Variants in ZNF451 observed in about 807,000 individuals in gnomAD.
ZNF451 encodes the protein E3 SUMO-protein ligase ZNF451.
ZNF451 carries 80 observed loss-of-function variants against 107.1 expected under a neutral mutation model. That is an observed-to-expected ratio of 0.75 (90% CI 0.62 to 0.90). ZNF451 has a LOEUF of 0.90. Among genes scored for constraint, ZNF451 ranks in the 40% least tolerant of loss-of-function variants. The pLI is 0.00. For missense variants in ZNF451, 1,107 were observed against 1,236.2 expected (o/e 0.90, Z 1.57); for synonymous variants, 362 against 406.5 (o/e 0.89, Z 1.32).
intron 14 of ZNF451, 22 bp downstream of exon 14, chr6:57,161,174 CTT>C (rs1763657861): frequency 7.4e-7 from 1 of 1,350,894 alleles, no homozygotes; most frequent in African/African-American, 1.5e-5. Flanking sequence ...GAGTTAATCT[CTT>C]TTCTACTTGA....
chr6:57,109,168 C>CTAAG (rs1216010907), intron 3 of ZNF451: 2 of 985,426 alleles, frequency 2.0e-6, no homozygotes. Context: ...CACTGCTGGA[C>CTAAG]TAAGATTATT....
At chr6:57,103,250 G>T (rs777661786) in intron 3 of ZNF451, 7 of 985,424 alleles carry the variant, frequency 7.1e-6, no homozygotes, top group Non-Finnish European at 8.4e-6. Context: ...TTAAAGCATA[G>T]CTGTGGATGT....
At position 57,160,481 on chromosome 6, in the gene ZNF451, G is replaced by A. The variant is rs548108935; in HGVS notation, c.3071-603G>A. On this transcript the variant is annotated intron_variant, in intron 13 of 14. Transcript: ENST00000370706. ...CCCAAGTAGCTGGGACTATAGGTGCGCACCACCATACCTGGCTAATTTTTT... is the reference window on the plus strand; with the variant it reads ...CCCAAGTAGCTGGGACTATAGGTGCACACCACCATACCTGGCTAATTTTTT... Among the ~76,000 whole-genome samples the A allele has an allele frequency of 9.2e-5, 14 of 152,012 alleles. No homozygotes were observed. The East Asian group carries it at 2.1e-3, about 23-fold the overall frequency.
chr6:57,150,537 C>A, intron 10 of ZNF451, 182 bp from the exon 11 acceptor site: 2 of 465,108 alleles, frequency 4.3e-6, no homozygotes, highest in Non-Finnish European at 7.2e-6. Context: ...TTATTTTTAT[C>A]TGATTTAAGT....
chr6:57,120,617 T>TTG (rs1158657117), intron 3 of ZNF451, among the ~76,000 whole-genome samples: 4 of 152,218 alleles, frequency 2.6e-5, no homozygotes, highest in African/African-American at 7.2e-5. Context: ...TGGTATCTCG[T>TTG]TGTTTTAACA....
intron 3 of ZNF451, chr6:57,106,432 G>A (rs539007593): frequency 2.1e-5 from 12 of 583,558 alleles, no homozygotes; most frequent in African/African-American, 1.2e-4. Context: ...TCAGCCTCCC[G>A]AGTAGCTGGG....
intron 13 of ZNF451, among the ~76,000 whole-genome samples, chr6:57,158,359 G>C (rs1024973636): frequency 6.7e-6 from 1 of 148,588 alleles, no homozygotes; most frequent in East Asian, 1.9e-4. Context: ...GGAAGAATGC[G>C]CTTTTTTTTT....
At chr6:57,139,978 G>A (rs570326624) in intron 7 of ZNF451, among the ~76,000 whole-genome samples, 1 of 152,248 alleles carries the variant, frequency 6.6e-6, no homozygotes, top group East Asian at 1.9e-4. Flanking sequence ...AGGATGTCAA[G>A]GGTACTAGTG....
intron 3 of ZNF451, among the ~76,000 whole-genome samples, chr6:57,122,407 C>G (rs896672335): frequency 6.6e-6 from 1 of 152,104 alleles, no homozygotes; most frequent in Non-Finnish European, 1.5e-5. Flanking sequence ...AGCTTCTGCA[C>G]AGCAAAATAA....
chr6:57,134,895 GTAT>G lies in ZNF451; in HGVS notation c.702+30_702+32del, dbSNP rs747959933. The stretch of plus-strand genomic sequence containing the variant: ...GGTAAGAGCATGTCCTAAATTAAAA[GTAT>G]TATTTTTCTAGATAGCCATGGAGTT... On this transcript the variant is annotated intron_variant, in intron 7 of 14. Transcript: ENST00000370706. 4.0e-4 allele frequency: 632 copies of G among 1,581,136 alleles called. 3 individuals carry two copies. The highest frequency in any genetic ancestry group is 4.7e-5 in the Non-Finnish European group (55 of 1,161,260).
chr6:57,164,222 A>C (rs1763803537), intron 14 of ZNF451, among the ~76,000 whole-genome samples: 1 of 152,226 alleles, frequency 6.6e-6, no homozygotes, highest in African/African-American at 2.4e-5. Flanking sequence ...CAGTCTTTGG[A>C]TTCATACTGC....
intron 2 of ZNF451, among the ~76,000 whole-genome samples, chr6:57,095,326 CTTTTTTTTTTTTT>C (rs764972958): frequency 3.0e-4 from 32 of 107,786 alleles, no homozygotes; most frequent in Non-Finnish European, 4.6e-4. Context: ...TTCTGTGATA[CTTTTTTTTTTTTT>C]TTTTTTTTTT....
At chr6:57,113,220 T>C (rs551070338) in intron 3 of ZNF451, among the ~76,000 whole-genome samples, 3 of 152,284 alleles carry the variant, frequency 2.0e-5, no homozygotes, top group East Asian at 3.9e-4. Context: ...CTCCCACTTA[T>C]AAGTGAGAAC....
At chr6:57,101,440 C>G in intron 3 of ZNF451, 1 of 1,550,838 alleles carries the variant, frequency 6.4e-7, no homozygotes, top group Non-Finnish European at 8.7e-7. Context: ...CCAACCAAAC[C>G]CACCAGCTGA....
rs376086887 is a variant in ZNF451, at chr6:57,169,716, A to G, written c.*1247A>G. ...TATAATTTGTGTTTTTAATTTCTTG[A>G]TATGTCACTTCTGTTCCTCCCTGCT... is the stretch of plus-strand genomic sequence containing the variant. On this transcript the variant is annotated 3_prime_UTR_variant, in exon 15 of 15. Coordinates refer to ENST00000370706, the MANE Select transcript of ZNF451 (RefSeq NM_001031623.3). 1.3e-5 allele frequency: 2 copies of G among 152,012 alleles called. No homozygotes were observed. 9.4% of individuals were successfully genotyped at this position (152,012 alleles called of 1,614,324 possible). A position where few individuals can be genotyped will look rare whatever the true frequency, so the allele number is the denominator to read the frequency against.
rs1829323890 is a variant in ZNF451, at chr6:57,096,541, T to C, written c.106-2520T>C. On this transcript the variant is annotated intron_variant, in intron 2 of 14. Transcript: ENST00000370706. ...ACTTTTTACCTTGCATCCTGTCATCTTTCATCTTCTTCTTTACTTTCTGTG... is the reference window on the plus strand; with the variant it reads ...ACTTTTTACCTTGCATCCTGTCATCCTTCATCTTCTTCTTTACTTTCTGTG... Among the ~76,000 whole-genome samples the C allele has an allele frequency of 2.0e-5, 3 of 148,868 alleles. No homozygotes were observed. In the South Asian group the frequency reaches 6.5e-4, roughly 32 times the overall value.
intron 4 of ZNF451, among the ~76,000 whole-genome samples, chr6:57,127,791 G>C (rs778658736): frequency 6.6e-6 from 1 of 152,132 alleles, no homozygotes; most frequent in African/African-American, 2.4e-5. Flanking sequence ...TGGCCAAAAA[G>C]TATTAATTTT....
In ZNF451 at chr6:57,152,329, C is replaced by G. The variant is rs1180332472; in HGVS notation, c.2861C>G (p.Ala954Gly). 6.2e-7 allele frequency: 1 copy of G among 1,614,046 alleles called. No homozygotes were observed. The highest frequency in any genetic ancestry group is 8.5e-7 in the Non-Finnish European group (1 of 1,180,002). Residue 954 changes from alanine (A) to glycine (G), a missense_variant, in exon 12 of 15, where the codon GCT becomes GGT. Transcript: ENST00000370706. ...CGCTGTAGTAAAAGAAAAGATGCTGCTGATTTTGCCATATGTATGCATGTG... is the reference window on the plus strand; with the variant it reads ...CGCTGTAGTAAAAGAAAAGATGCTGGTGATTTTGCCATATGTATGCATGTG... The part of the protein sequence containing the change: ...HPRCSKRKDA[A>G]DFAICMHAGR...
chr6:57,092,460 G>T (rs1347799196), intron 2 of ZNF451, among the ~76,000 whole-genome samples: 1 of 152,128 alleles, frequency 6.6e-6, no homozygotes, highest in African/African-American at 2.4e-5. Flanking sequence ...AGGTTTGACA[G>T]TTCCACATGG....
Sources: gnomAD v4.1 joint callset for allele counts (sites outside exome capture counted in the v4.1 genomes callset) on GRCh38, gnomAD v4.1.1 for gene constraint, MANE v1.5 for transcripts, NCBI Gene and HGNC (gene_info 2026-07-23, HGNC 2026-07-21) for gene names.